RASA2: variants seen among roughly 807,000 people sequenced by gnomAD.
RASA2 encodes the protein RAS p21 protein activator 2.
RASA2 carries 155 observed loss-of-function variants against 118.2 expected under a neutral mutation model. The ratio of observed to expected loss-of-function variants is 1.31; its 90% CI spans 1.15 to 1.50. RASA2 has a LOEUF of 1.50. Ranked by LOEUF, RASA2 falls within the 40% of genes most tolerant of loss-of-function variation. The probability of loss-of-function intolerance (pLI) is 0.00; values close to 1 mark genes in which losing one functional copy is unlikely to be tolerated. For missense variants in RASA2, 1,016 were observed against 1,009.6 expected (o/e 1.01, Z -0.09); for synonymous variants, 353 against 349.1 (o/e 1.01, Z -0.12).
Position 141,516,343 on chromosome 3 carries a change from A to G in RASA2, c.267A>G (p.Glu89=), listed in dbSNP as rs776420869. 3 of 1,560,096 alleles carry G rather than the reference A, an allele frequency of 1.9e-6. No individual in the cohort carries two copies. Among genetic ancestry groups the G allele is most frequent in the Admixed American group, 1.9e-5 (1 of 52,760 alleles). ...VEKSLSPFFS[E]EFYFEIPRTF... is the part of the protein sequence containing the mutation. The stretch of plus-strand genomic sequence containing the variant: ...TTCTTTCTAGCCCATTTTTCAGTGA[A>G]GAATTTTACTTTGAGATTCCAAGAA... The change falls in exon 3 of 24, where the codon GAA becomes GAG. Residue 89 remains glutamate, a synonymous_variant. Coordinates refer to ENST00000286364, the MANE Select transcript of RASA2 (RefSeq NM_006506.5).
intron 14 of RASA2, among the ~76,000 whole-genome samples, chr3:141,576,689 T>A (rs370844538): frequency 9.9e-5 from 15 of 152,252 alleles, no homozygotes; most frequent in Non-Finnish European, 1.9e-4. Context: ...GATACTACTT[T>A]TATTTCTGTT....
intron 19 of RASA2, 128 bp downstream of exon 19, chr3:141,586,880 C>G (rs1235628790): frequency 1.3e-6 from 1 of 762,460 alleles, no homozygotes; most frequent in Admixed American, 2.0e-5. Flanking sequence ...CACACTGATA[C>G]ATACGTACTA....
intron 3 of RASA2, among the ~76,000 whole-genome samples, chr3:141,516,713 G>A (rs2082032535): frequency 6.6e-6 from 1 of 151,230 alleles, no homozygotes; most frequent in African/African-American, 2.4e-5. Context: ...TTATTCATTA[G>A]TTGGCTGTTT....
chr3:141,556,691 G>T (rs1402222968), intron 7 of RASA2, among the ~76,000 whole-genome samples: 4 of 152,094 alleles, frequency 2.6e-5, no homozygotes, highest in African/African-American at 9.7e-5. Context: ...GCATGTTGCA[G>T]TTCATATCAA....
At chr3:141,569,557 T>TC (rs959520284) in intron 9 of RASA2, among the ~76,000 whole-genome samples, 6 of 152,110 alleles carry the variant, frequency 3.9e-5, no homozygotes, top group African/African-American at 1.4e-4. Flanking sequence ...TTGCTGAGTA[T>TC]CCCCCCAAAA....
At chr3:141,609,829 A>G (rs767142747) in intron 22 of RASA2, 48 bp from the exon 23 acceptor site, 3 of 1,461,836 alleles carry the variant, frequency 2.1e-6, no homozygotes, top group East Asian at 4.7e-5. Flanking sequence ...TATTGCATTT[A>G]TAGAATTTAG....
At chr3:141,566,464 C>T (rs557281621) in intron 9 of RASA2, among the ~76,000 whole-genome samples, 10 of 152,092 alleles carry the variant, frequency 6.6e-5, no homozygotes, top group Non-Finnish European at 1.3e-4. Flanking sequence ...CTCTATAGGA[C>T]CAACAGTGAG....
chr3:141,577,053 T>A lies in RASA2; in HGVS notation c.1537T>A (p.Phe513Ile). 6.2e-7 allele frequency: 1 copy of A among 1,612,274 alleles called. No homozygotes were observed. Among genetic ancestry groups the A allele is most frequent in the Non-Finnish European group, 8.5e-7 (1 of 1,178,980 alleles). ...AVSSFVFLRF[F>I]AVAVVSPHTF... is the part of the protein sequence containing the mutation. ...GAGCAGCTTTGTATTTCTTCGTTTCTTTGCTGTAGCCGTAGTATCACCTCA... is the reference window on the plus strand; with the variant it reads ...GAGCAGCTTTGTATTTCTTCGTTTCATTGCTGTAGCCGTAGTATCACCTCA... Residue 513 changes from phenylalanine to isoleucine, a missense_variant, in exon 15 of 24, where the codon TTT becomes ATT. Phe to Ile is a conservative substitution (Grantham distance 21, BLOSUM62 0). Transcript: ENST00000286364.
rs557252384 is a variant in RASA2, at chr3:141,546,275, A to G, written c.527+5666A>G. 5.3e-5 allele frequency among the ~76,000 whole-genome samples: 8 copies of G among 152,286 alleles called. No homozygotes were observed. The East Asian group carries it at 5.8e-4, about 11-fold the overall frequency. On this transcript the variant is annotated intron_variant, in intron 5 of 23. Transcript: ENST00000286364. Reference sequence around the variant, plus strand: ...TTGAGGAACCTCCAAACTGTTCTCCATAGTGGTTTTATTAATTTACATTGC... The same window carrying G: ...TTGAGGAACCTCCAAACTGTTCTCCGTAGTGGTTTTATTAATTTACATTGC...
chr3:141,575,970 T>C (rs142770528), intron 14 of RASA2, among the ~76,000 whole-genome samples: 1 of 152,126 alleles, frequency 6.6e-6, no homozygotes, highest in Non-Finnish European at 1.5e-5. Context: ...ATAGATGGGG[T>C]TTCTCCATGT....
chr3:141,549,077 T>G (rs1389925449), intron 5 of RASA2, among the ~76,000 whole-genome samples: 7 of 152,204 alleles, frequency 4.6e-5, no homozygotes, highest in African/African-American at 1.7e-4. Context: ...TATAAGATTC[T>G]CTACCACCAC....
Position 141,608,674 on chromosome 3 carries a change from TC to T in RASA2, c.2203del (p.Leu735SerfsTer16). Reference protein sequence around the residue: ...LCCQETGENTLGCKPCTAGVP... With the variant: ...LCCQETGENTXGCKPCTAGVP... ...GCTGTCAGGAGACTGGTGAAAACAC[TC>T]TCGGCTGCAAGCCATGTACTGCGTA... On this transcript the variant is annotated frameshift_variant, in exon 21 of 24. Coordinates refer to ENST00000286364, the MANE Select transcript of RASA2 (RefSeq NM_006506.5). LOFTEE classifies it high-confidence loss of function. 6.2e-7 allele frequency: 1 copy of T among 1,613,772 alleles called. No individual in the cohort carries two copies. Among genetic ancestry groups the T allele is most frequent in the East Asian group, 2.2e-5 (1 of 44,882 alleles).
intron 20 of RASA2, 72 bp from the exon 21 acceptor site, chr3:141,608,417 T>C (rs1266786412): frequency 1.4e-6 from 2 of 1,424,384 alleles, no homozygotes; most frequent in East Asian, 2.3e-5. Context: ...TTAGGTACTT[T>C]TCTTCTGTTT....
rs1323204716 is a variant in RASA2 at position 141,553,951 on chromosome 3, T to C, written c.611+11T>C. On this transcript the variant is annotated intron_variant, in intron 6 of 23. Transcript: ENST00000286364. ...AGTGGGCCCTTCTAGGTAATATTTA[T>C]TGAATTATTATTAGGTTTTAAAGTT... is the stretch of plus-strand genomic sequence containing the variant. The C allele has an allele frequency of 1.9e-6, 3 of 1,599,106 alleles. No individual in the cohort carries two copies. The highest frequency in any genetic ancestry group is 2.3e-5 in the South Asian group (2 of 87,212).
intron 3 of RASA2, among the ~76,000 whole-genome samples, chr3:141,518,125 A>G (rs534052733): frequency 4.7e-4 from 71 of 152,172 alleles, no homozygotes; most frequent in African/African-American, 1.5e-3. Flanking sequence ...TCTTTTTAGT[A>G]TCCTAAATTT....
At chr3:141,493,338 C>G (rs1305718362) in intron 1 of RASA2, among the ~76,000 whole-genome samples, 3 of 152,126 alleles carry the variant, frequency 2.0e-5, no homozygotes, top group African/African-American at 7.2e-5. Context: ...TGGTTATGAC[C>G]TAGGTGGAGA....
intron 19 of RASA2, among the ~76,000 whole-genome samples, chr3:141,589,351 A>C (rs567706670): frequency 6.6e-6 from 1 of 152,324 alleles, no homozygotes; most frequent in Middle Eastern, 3.4e-3. Context: ...AATCTAAACC[A>C]ATATTCTGAA....
intron 19 of RASA2, among the ~76,000 whole-genome samples, chr3:141,592,577 A>C (rs1560056476): frequency 6.6e-6 from 1 of 152,198 alleles, no homozygotes; most frequent in African/African-American, 2.4e-5. Flanking sequence ...GAATGAATGA[A>C]GGGCACAAGG....
chr3:141,525,858 A>G (rs1216128722), intron 3 of RASA2: 2 of 152,148 alleles, frequency 1.3e-5, no homozygotes, highest in Admixed American at 6.6e-5. Context: ...TAAACACTAA[A>G]CTAAAACAAT....
Sources: allele counts gnomAD v4.1 joint callset (sites outside exome capture counted in the v4.1 genomes callset), GRCh38; gene constraint gnomAD v4.1.1; transcripts MANE v1.5; gene names NCBI Gene and HGNC (gene_info 2026-07-23, HGNC 2026-07-21).